SORCS1: variants seen among roughly 807,000 people sequenced by gnomAD.
SORCS1 encodes the protein sortilin related VPS10 domain containing receptor 1, also known as VPS10 domain-containing receptor SorCS1.
Under a neutral mutation model 146.1 loss-of-function variants are expected in SORCS1, and 60 were observed. The ratio of observed to expected loss-of-function variants is 0.41; its 90% CI spans 0.33 to 0.51. The LOEUF (loss-of-function observed/expected upper bound fraction) is 0.51, where lower values mean the gene tolerates loss of function less well. SORCS1 is among the 20% of genes least tolerant of loss of function. SORCS1 has a pLI of 0.21. For synonymous variants in SORCS1, 637 were observed against 584.0 expected (o/e 1.09, Z -1.31); for missense variants, 1,352 against 1,487.6 (o/e 0.91, Z 1.50).
intron 2 of SORCS1, among the ~76,000 whole-genome samples, chr10:106,862,900 C>T (rs367685605): frequency 6.6e-5 from 10 of 151,478 alleles, no homozygotes; most frequent in African/African-American, 2.4e-4. Context: ...TGAAAAGAAT[C>T]CAGGTTTTCT....
chr10:107,129,882 A>G (rs1966849692), intron 1 of SORCS1, among the ~76,000 whole-genome samples: 1 of 152,170 alleles, frequency 6.6e-6, no homozygotes, highest in Non-Finnish European at 1.5e-5. Context: ...ACTTCACAAA[A>G]GCTTTGCTTT....
rs150317415 is a variant in SORCS1 at position 106,878,971 on chromosome 10, C to T, written c.627-49298G>A. ...GACCATCCTGGCTAACACGGTGAAA[C>T]ACCGTCTCTACTAAAAATACAAAAA... On this transcript the variant is annotated intron_variant, in intron 2 of 25. Transcript: ENST00000263054. Among the ~76,000 whole-genome samples the T allele has an allele frequency of 2.0e-3, 308 of 151,562 alleles. 2 individuals are homozygous for T. Among genetic ancestry groups the T allele is most frequent in the African/African-American group, 7.3e-3 (300 of 41,290 alleles).
rs1854768632 is a variant in SORCS1, at chr10:106,709,208, G to A, written c.1143+15C>T. ...AAGGTTTCTGAGACAATCAACAGAAGTGGATTTTTCCTACCTGAACAAACA... is the reference window on the plus strand; with the variant it reads ...AAGGTTTCTGAGACAATCAACAGAAATGGATTTTTCCTACCTGAACAAACA... On this transcript the variant is annotated intron_variant, in intron 7 of 25. Transcript: ENST00000263054. 1 of 1,584,734 alleles carries A rather than the reference G, an allele frequency of 6.3e-7. No individual in the cohort carries two copies. Among genetic ancestry groups the A allele is most frequent in the East Asian group, 2.2e-5 (1 of 44,682 alleles).
chr10:106,948,951 A>G (rs796784910), intron 2 of SORCS1, among the ~76,000 whole-genome samples: 1 of 151,358 alleles, frequency 6.6e-6, no homozygotes, highest in Non-Finnish European at 1.5e-5. Flanking sequence ...ACAGAGAAAG[A>G]CTCTGTATCC....
intron 17 of SORCS1, among the ~76,000 whole-genome samples, chr10:106,658,493 A>G (rs1850477460): frequency 6.6e-6 from 1 of 152,148 alleles, no homozygotes; most frequent in African/African-American, 2.4e-5. Context: ...ATAAAAAAAA[A>G]GCATAAATAG....
chr10:106,674,916 G>C lies in SORCS1; in HGVS notation c.1940+133C>G, dbSNP rs980952439. The C allele has an allele frequency of 2.8e-5, 17 of 604,510 alleles. No homozygotes were observed. The African/African-American group carries it at 2.8e-4, about 10-fold the overall frequency. 37.4% of individuals were successfully genotyped at this position (604,510 alleles called of 1,614,324 possible). A position where few individuals can be genotyped will look rare whatever the true frequency, so the allele number is the denominator to read the frequency against. On this transcript the variant is annotated intron_variant, in intron 14 of 25. Transcript: ENST00000263054. ...CTGCCCACATTTTTCTTCCCTATTTGCTGTACACTCTTGCAGTAAGATGCA... is the reference window on the plus strand; with the variant it reads ...CTGCCCACATTTTTCTTCCCTATTTCCTGTACACTCTTGCAGTAAGATGCA...
rs773773790 is a variant in SORCS1 at position 106,672,779 on chromosome 10, T to C, written c.2058+89A>G. 11 of 1,073,722 alleles carry C rather than the reference T, an allele frequency of 1.0e-5. No individual in the cohort carries two copies. In the South Asian group the frequency reaches 1.4e-4, roughly 13 times the overall value. 66.5% of individuals were successfully genotyped at this position (1,073,722 alleles called of 1,614,324 possible). ...TAGATGGACATTTTGGCCTAGAGCATCCTAGTTCCTATACCTTAGCAACTA... is the reference window on the plus strand; with the variant it reads ...TAGATGGACATTTTGGCCTAGAGCACCCTAGTTCCTATACCTTAGCAACTA... On this transcript the variant is annotated intron_variant, in intron 15 of 25. Transcript: ENST00000263054.
At chr10:106,726,847 G>A (rs1397597037) in intron 6 of SORCS1, among the ~76,000 whole-genome samples, 7 of 152,192 alleles carry the variant, frequency 4.6e-5, no homozygotes, top group Non-Finnish European at 1.5e-5. Context: ...AGCACTTTGG[G>A]AGGCCGAGAC....
intron 3 of SORCS1, among the ~76,000 whole-genome samples, chr10:106,799,132 G>A (rs1354522031): frequency 1.3e-5 from 2 of 152,174 alleles, no homozygotes; most frequent in Non-Finnish European, 2.9e-5. Context: ...AATGGGGAAA[G>A]GATTTCCTAT....
intron 13 of SORCS1, 38 bp from the exon 14 acceptor site, chr10:106,675,194 AGG>A: frequency 2.7e-6 from 4 of 1,463,490 alleles, no homozygotes; most frequent in Middle Eastern, 1.8e-4. Flanking sequence ...AGATCTCCAA[AGG>A]AAAAAAAAAT....
chr10:107,173,196 T>A, the SORCS1 span, among the ~76,000 whole-genome samples: 1 of 152,320 alleles, frequency 6.6e-6, no homozygotes, highest in Non-Finnish European at 1.5e-5. Context: ...CTCAATTAAA[T>A]CAGTTTGTAC....
chr10:106,956,725 G>C, intron 1 of SORCS1, 145 bp from the exon 2 acceptor site: 2 of 688,712 alleles, frequency 2.9e-6, no homozygotes, highest in South Asian at 3.8e-5. Context: ...ACACTGACTG[G>C]GGAAAGGTTG....
chr10:107,009,461 A>G (rs1247814140), intron 1 of SORCS1, among the ~76,000 whole-genome samples: 1 of 152,226 alleles, frequency 6.6e-6, no homozygotes, highest in Non-Finnish European at 1.5e-5. Flanking sequence ...GAATGTTTAA[A>G]TTGAGAAGAG....
chr10:106,679,277 A>G lies in SORCS1; in HGVS notation c.1719T>C (p.Asp573=). Residue 573 remains aspartate (D), a synonymous_variant, in exon 12 of 26, where the codon GAT becomes GAC. Transcript: ENST00000263054. The part of the protein sequence containing the change: ...DTDISMFVSS[D]AGNTWRQIFE... ...TTACCTGTCTCCAGGTGTTCCCTGC[A>G]TCTGAAGAGACAAACATGCTGATGT... The G allele has an allele frequency of 6.2e-7, 1 of 1,613,382 alleles. No homozygotes were observed. Among genetic ancestry groups the G allele is most frequent in the Non-Finnish European group, 8.5e-7 (1 of 1,179,494 alleles).
chr10:107,021,821 C>T (rs111733757), intron 1 of SORCS1, among the ~76,000 whole-genome samples: 4 of 152,088 alleles, frequency 2.6e-5, no homozygotes, highest in African/African-American at 9.7e-5. Flanking sequence ...CCATATTAAC[C>T]ACATTTTGCT....
intron 1 of SORCS1, among the ~76,000 whole-genome samples, chr10:107,046,205 A>G (rs1337627657): frequency 6.6e-6 from 1 of 151,914 alleles, no homozygotes; most frequent in East Asian, 1.9e-4. Context: ...TGGCCTCCCA[A>G]AGTGCTGGAG....
intron 3 of SORCS1, among the ~76,000 whole-genome samples, chr10:106,812,672 G>A (rs1484410002): frequency 1.3e-5 from 2 of 152,106 alleles, no homozygotes; most frequent in Non-Finnish European, 2.9e-5. Context: ...TGTGTTCAGT[G>A]TTTAATAGAG....
intron 17 of SORCS1, among the ~76,000 whole-genome samples, chr10:106,658,999 G>A (rs1207303177): frequency 6.6e-6 from 1 of 152,160 alleles, no homozygotes; most frequent in East Asian, 1.9e-4. Context: ...GACACAGGCA[G>A]CCCCAAAATG....
chr10:106,703,297 A>C (rs1854265772), intron 8 of SORCS1, among the ~76,000 whole-genome samples: 2 of 152,160 alleles, frequency 1.3e-5, no homozygotes, highest in Non-Finnish European at 2.9e-5. Context: ...CAGCCTTCAC[A>C]TCACCTGCAT....
Sources: allele counts gnomAD v4.1 joint callset (sites outside exome capture counted in the v4.1 genomes callset), GRCh38; gene constraint gnomAD v4.1.1; transcripts MANE v1.5; gene names NCBI Gene and HGNC (gene_info 2026-07-23, HGNC 2026-07-21).